The following GALK1 variants were observed in gnomAD, a reference collection of about 807,000 sequenced individuals.
The protein encoded by GALK1 is galactokinase.
Under a neutral mutation model 38.6 loss-of-function variants are expected in GALK1, and 30 were observed. The observed-to-expected ratio is 0.78, with a 90% CI of 0.58 to 1.05. The LOEUF (loss-of-function observed/expected upper bound fraction) is 1.05, where lower values mean the gene tolerates loss of function less well. Among genes scored for constraint, GALK1 ranks in the 50% least tolerant of loss-of-function variants. The pLI, the probability that GALK1 is intolerant of heterozygous loss-of-function variation, is 0.00. For synonymous variants in GALK1, 240 were observed against 233.6 expected (o/e 1.03, Z -0.25); for missense variants, 512 against 540.5 (o/e 0.95, Z 0.52).
At chr17:75,755,321 A>C, downstream of GALK1, 1 of 1,221,282 alleles carries the variant, frequency 8.2e-7, no homozygotes, top group Non-Finnish European at 1.1e-6. Context: ...CATTCCATCC[A>C]CAGGACCCCC....
At chr17:75,751,865 C>T (rs1052516284) in intron 8 of GALK1, 3 of 458,608 alleles carry the variant, frequency 6.5e-6, no homozygotes, top group East Asian at 4.5e-5. Flanking sequence ...AACCCCTATG[C>T]GTGCCCTTGC....
At chr17:75,754,412 C>A, downstream of GALK1, 2 of 809,180 alleles carry the variant, frequency 2.5e-6, no homozygotes, top group Non-Finnish European at 4.0e-6. Context: ...TGGGCTCCTG[C>A]AGGGACAGAG....
chr17:75,756,964 T>C, downstream of GALK1: 1 of 1,612,390 alleles, frequency 6.2e-7, no homozygotes, highest in Non-Finnish European at 8.5e-7. Context: ...GCATTCCGGG[T>C]GGATGGAGAC....
At chr17:75,754,746 C>T (rs148205043), downstream of GALK1, 507 of 1,612,656 alleles carry the variant, frequency 3.1e-4, 3 homozygotes, top group African/African-American at 3.6e-3. Flanking sequence ...CTCACTGACC[C>T]GCTCAGAACA....
At chr17:75,754,929 C>A, downstream of GALK1, 4 of 1,535,644 alleles carry the variant, frequency 2.6e-6, no homozygotes, top group Non-Finnish European at 3.6e-6. Context: ...CATACACACA[C>A]GCATGCACAC....
At chr17:75,754,750 C>T (rs1042042707), downstream of GALK1, 1 of 1,612,592 alleles carries the variant, frequency 6.2e-7, no homozygotes, top group Non-Finnish European at 8.5e-7. Flanking sequence ...CTGACCCGCT[C>T]AGAACACTCA....
intron 2 of GALK1, 189 bp downstream of exon 2, chr17:75,763,708 C>T (rs188056336): frequency 5.5e-6 from 4 of 727,702 alleles, no homozygotes; most frequent in East Asian, 2.7e-5. Context: ...CTGGCTCCTC[C>T]AATCAGGTCA....
chr17:75,764,149 A>G, intron 1 of GALK1, 63 bp from the exon 2 acceptor site: 2 of 1,436,566 alleles, frequency 1.4e-6, no homozygotes, highest in East Asian at 2.4e-5. Context: ...CTCCAATGAC[A>G]CTGCCTCCAG....
At chr17:75,757,341 C>T (rs1437729800), downstream of GALK1, 1 of 1,612,764 alleles carries the variant, frequency 6.2e-7, no homozygotes, top group African/African-American at 1.3e-5. Flanking sequence ...GATCCCGGCT[C>T]TCCTGGGACA....
At position 75,758,504 on chromosome 17, in the gene GALK1, G is replaced by T; in HGVS notation, c.889C>A (p.Arg297Ser). The T allele has an allele frequency of 6.3e-7, 1 of 1,579,740 alleles. No individual in the cohort carries two copies. Among genetic ancestry groups the T allele is most frequent in the Non-Finnish European group, 8.6e-7 (1 of 1,166,212 alleles). Residue 297 changes from arginine (R) to serine (S), a missense_variant, in exon 6 of 8, where the codon CGT becomes AGT. Coordinates refer to ENST00000588479, the MANE Select transcript of GALK1 (RefSeq NM_000154.2). ...RTAQAAAALR[R>S]GDYRAFGRLM... ...CGGCCAAAGGCTCTGTAGTCGCCAC[G>T]TCTCAGGGCGGCCGCTGCCTGGGCC... is the stretch of plus-strand genomic sequence containing the variant.
At chr17:75,762,924 G>C in intron 4 of GALK1, 39 bp from the exon 5 acceptor site, 1 of 1,607,548 alleles carries the variant, frequency 6.2e-7, no homozygotes, top group Non-Finnish European at 8.5e-7. Context: ...ACGAGGCCAA[G>C]CGTGTGCTTG....
chr17:75,751,897 T>G, intron 8 of GALK1: 4 of 511,094 alleles, frequency 7.8e-6, no homozygotes, highest in Non-Finnish European at 1.4e-5. Flanking sequence ...GCACCGTGGA[T>G]ATATGGGTAG....
At chr17:75,758,816 T>C (rs113145510) in intron 5 of GALK1, among the ~76,000 whole-genome samples, 1 of 152,300 alleles carries the variant, frequency 6.6e-6, no homozygotes, top group African/African-American at 2.4e-5. Context: ...CCTTGGTCCT[T>C]CAGGGAGCAG....
At chr17:75,760,720 G>A (rs908720183) in intron 5 of GALK1, among the ~76,000 whole-genome samples, 2 of 152,010 alleles carry the variant, frequency 1.3e-5, no homozygotes, top group African/African-American at 4.8e-5. Context: ...AGGTTGCAGT[G>A]AGCCGAGATC....
intron 5 of GALK1, among the ~76,000 whole-genome samples, chr17:75,761,113 A>T (rs1228946695): frequency 2.6e-5 from 4 of 151,644 alleles, no homozygotes; most frequent in African/African-American, 9.7e-5. Flanking sequence ...GAGGCAGGAG[A>T]ATCACTTGAA....
At chr17:75,764,794 C>T (rs1036849919) in intron 1 of GALK1, 178 bp downstream of exon 1, 10 of 713,986 alleles carry the variant, frequency 1.4e-5, no homozygotes, top group Admixed American at 2.6e-5. Context: ...CGCTTCCTCC[C>T]TTCCAACGTG....
At position 75,752,305 on chromosome 17, in the gene GALK1, G is replaced by C. The variant is rs757408313; in HGVS notation, c.*23-568C>G. 2.5e-5 allele frequency: 40 copies of C among 1,613,098 alleles called. 1 individual carries two copies. The South Asian group carries it at 4.3e-4, about 17-fold the overall frequency. On this transcript the variant is annotated intron_variant, in intron 8 of 8. Coordinates refer to the GALK1 transcript ENST00000225614. ...GCGCAACGGGGCCGGCTGGGGGCCT[G>C]AGCGGGAGGCCATCATCAACCTGGC... is the stretch of plus-strand genomic sequence containing the variant.
chr17:75,752,478 G>T (rs187296783), intron 8 of GALK1: 1 of 1,613,644 alleles, frequency 6.2e-7, no homozygotes, highest in South Asian at 1.1e-5. Context: ...TATCGTGGAC[G>T]CCCAGAGCGG....
chr17:75,758,049 G>A lies in GALK1; in HGVS notation c.*7C>T. Reference sequence around the variant, plus strand: ...GCACCCTCACCGTGTGCTGTCCTGGGGGTGCCTCACAAGCACAGCACCTTG... The same window carrying A: ...GCACCCTCACCGTGTGCTGTCCTGGAGGTGCCTCACAAGCACAGCACCTTG... On this transcript the variant is annotated 3_prime_UTR_variant, in exon 8 of 8. Transcript: ENST00000588479. The A allele has an allele frequency of 6.2e-7, 1 of 1,612,724 alleles. No homozygotes were observed. Among genetic ancestry groups the A allele is most frequent in the Admixed American group, 1.7e-5 (1 of 60,028 alleles).
Sources: allele counts gnomAD v4.1 joint callset (sites outside exome capture counted in the v4.1 genomes callset), GRCh38; gene constraint gnomAD v4.1.1; transcripts MANE v1.5; gene names NCBI Gene and HGNC (gene_info 2026-07-23, HGNC 2026-07-21).